CNTNAP5: variants seen among roughly 807,000 people sequenced by gnomAD.
The protein encoded by CNTNAP5 is contactin associated protein family member 5.
CNTNAP5 carries 72 observed loss-of-function variants against 150.2 expected under a neutral mutation model. The ratio of observed to expected loss-of-function variants is 0.48; its 90% confidence interval spans 0.40 to 0.58. CNTNAP5 has a LOEUF of 0.58. CNTNAP5 is among the 20% of genes least tolerant of loss of function. The pLI, the probability that CNTNAP5 is intolerant of heterozygous loss-of-function variation, is 0.00. For missense variants in CNTNAP5, 1,636 were observed against 1,626.2 expected, an observed-to-expected ratio of 1.01 and a Z score of -0.10; for synonymous variants, 672 against 619.8, an observed-to-expected ratio of 1.08 and a Z score of -1.25.
At chr2:124,410,035 G>C (rs1691704923) in intron 3 of CNTNAP5, among the ~76,000 whole-genome samples, 1 of 151,814 alleles carries the variant, frequency 6.6e-6, no homozygotes, top group Admixed American at 6.6e-5. Flanking sequence ...GATGGAGGAA[G>C]ATCTACCAAG....
intron 11 of CNTNAP5, among the ~76,000 whole-genome samples, chr2:124,602,372 A>G (rs1026848507): frequency 6.6e-6 from 1 of 150,602 alleles, no homozygotes; most frequent in Admixed American, 6.6e-5. Flanking sequence ...AATAAAGGCA[A>G]TATCATGTAA....
At chr2:124,913,948 G>A in intron 23 of CNTNAP5, 144 bp from the exon 24 acceptor site, 1 of 572,370 alleles carries the variant, frequency 1.7e-6, no homozygotes, top group Non-Finnish European at 3.1e-6. Flanking sequence ...CTTTATTTCT[G>A]GGCAGGTGGC....
At chr2:124,276,537 T>A (rs540818262) in intron 3 of CNTNAP5, among the ~76,000 whole-genome samples, 3 of 152,264 alleles carry the variant, frequency 2.0e-5, no homozygotes, top group Admixed American at 1.3e-4. Flanking sequence ...CATGTTTGGA[T>A]GATGAGCCCA....
intron 3 of CNTNAP5, among the ~76,000 whole-genome samples, chr2:124,399,205 T>C (rs1178193590): frequency 6.6e-6 from 1 of 152,046 alleles, no homozygotes; most frequent in Admixed American, 6.6e-5. Context: ...AAGTTGAAAG[T>C]CACCTAAGAA....
At chr2:124,743,269 C>T (rs1243874733) in intron 13 of CNTNAP5, among the ~76,000 whole-genome samples, 1 of 152,126 alleles carries the variant, frequency 6.6e-6, no homozygotes, top group Non-Finnish European at 1.5e-5. Flanking sequence ...AATATTGATC[C>T]ATTAAGAGAT....
chr2:124,242,204 T>C lies in CNTNAP5; in HGVS notation c.192T>C (p.Thr64=). ...SPAQLNWRVG[T]GGWSPADSNA... is the part of the protein sequence containing the mutation. ...CTCTCTCTGATCCTGTTCCAGGAACTGGCGGTTGGTCCCCAGCAGATTCCA... is the reference window on the plus strand; with the variant it reads ...CTCTCTCTGATCCTGTTCCAGGAACCGGCGGTTGGTCCCCAGCAGATTCCA... The change falls in exon 3 of 24, where the codon ACT becomes ACC. Residue 64 remains threonine (T), a synonymous_variant. Transcript: ENST00000682447. 4 of 1,584,860 alleles carry C rather than the reference T, an allele frequency of 2.5e-6. No individual in the cohort carries two copies. Among genetic ancestry groups the C allele is most frequent in the Non-Finnish European group, 3.4e-6 (4 of 1,164,702 alleles).
intron 1 of CNTNAP5, among the ~76,000 whole-genome samples, chr2:124,127,458 C>G (rs1455488129): frequency 6.6e-6 from 1 of 152,086 alleles, no homozygotes; most frequent in Non-Finnish European, 1.5e-5. Context: ...TAGGAAGAAT[C>G]AATATCATGA....
chr2:124,775,812 T>C lies in CNTNAP5; in HGVS notation c.2752+2795T>C, dbSNP rs373088268. Among the ~76,000 whole-genome samples, 9 of 152,302 alleles carry C rather than the reference T, an allele frequency of 5.9e-5. No individual in the cohort carries two copies. The South Asian group carries it at 6.2e-4, about 11-fold the overall frequency. ...GCTTCTGAAATGTAAGCTGCAAGCG[T>C]GTGGCATTCTCACCTTTGGAATGCT... is the stretch of plus-strand genomic sequence containing the variant. On this transcript the variant is annotated intron_variant, in intron 17 of 23. Coordinates refer to ENST00000682447, the MANE Select transcript of CNTNAP5 (RefSeq NM_001367498.1).
intron 3 of CNTNAP5, among the ~76,000 whole-genome samples, chr2:124,312,695 C>T (rs183915599): frequency 5.9e-5 from 9 of 152,268 alleles, no homozygotes; most frequent in African/African-American, 1.9e-4. Context: ...CTCAGCCTCC[C>T]GAGTAGCTGG....
Position 124,620,745 on chromosome 2 carries a change from G to GCACA in CNTNAP5, c.1876+10852_1876+10855dup, listed in dbSNP as rs3039903. On this transcript the variant is annotated intron_variant, in intron 12 of 23. Coordinates refer to ENST00000682447, the MANE Select transcript of CNTNAP5 (RefSeq NM_001367498.1). ...ATATATGCTACACACACACACACAT[G>GCACA]CACACACACACACACACACACACAC... Among the ~76,000 whole-genome samples, 233 of 103,704 alleles carry GCACA rather than the reference G, an allele frequency of 2.2e-3. 2 individuals carry two copies. Among genetic ancestry groups the GCACA allele is most frequent in the South Asian group, 6.1e-3 (17 of 2,786 alleles). 68.0% of individuals were successfully genotyped at this position (103,704 alleles called of 152,430 possible).
intron 19 of CNTNAP5, among the ~76,000 whole-genome samples, chr2:124,801,808 T>A (rs1227003396): frequency 1.3e-5 from 2 of 152,158 alleles, no homozygotes; most frequent in Non-Finnish European, 2.9e-5. Flanking sequence ...AATATTTTAA[T>A]GTGACTTTGA....
intron 21 of CNTNAP5, among the ~76,000 whole-genome samples, chr2:124,892,689 G>A (rs1678218337): frequency 6.6e-6 from 1 of 152,096 alleles, no homozygotes; most frequent in South Asian, 2.1e-4. Context: ...GAGCTAAGCA[G>A]GCAACCTTTA....
intron 13 of CNTNAP5, among the ~76,000 whole-genome samples, chr2:124,705,335 C>T (rs1456723586): frequency 6.6e-6 from 1 of 152,088 alleles, no homozygotes; most frequent in East Asian, 1.9e-4. Context: ...CGAGACCAGC[C>T]TGGCCAACCT....
chr2:124,460,489 A>G (rs897740160), intron 6 of CNTNAP5, among the ~76,000 whole-genome samples: 2 of 152,112 alleles, frequency 1.3e-5, no homozygotes, highest in Non-Finnish European at 2.9e-5. Context: ...TATTTTTTAA[A>G]TTGTCTATCT....
intron 3 of CNTNAP5, among the ~76,000 whole-genome samples, chr2:124,267,795 A>G (rs1290872850): frequency 6.6e-6 from 1 of 152,146 alleles, no homozygotes; most frequent in Non-Finnish European, 1.5e-5. Flanking sequence ...TTTGGGGAAA[A>G]TGCTCCTGGC....
chr2:124,713,641 G>C (rs1472990998), intron 13 of CNTNAP5, among the ~76,000 whole-genome samples: 3 of 151,964 alleles, frequency 2.0e-5, no homozygotes, highest in Non-Finnish European at 4.4e-5. Context: ...TTCCTAAAGT[G>C]CTGGGATTAC....
chr2:124,544,780 C>T (rs1014823583), intron 10 of CNTNAP5, among the ~76,000 whole-genome samples: 8 of 152,130 alleles, frequency 5.3e-5, no homozygotes, highest in African/African-American at 1.4e-4. Flanking sequence ...AGTTCAGCAG[C>T]GGACTGCACC....
chr2:124,528,825 GAAGA>G (rs764930952), intron 10 of CNTNAP5, among the ~76,000 whole-genome samples: 22 of 152,136 alleles, frequency 1.4e-4, no homozygotes, highest in Admixed American at 5.2e-4. Flanking sequence ...AGGTGGATTG[GAAGA>G]GAGCTGGCCC....
intron 19 of CNTNAP5, among the ~76,000 whole-genome samples, chr2:124,811,316 GGAAGGCGA>G (rs1682213517): frequency 6.6e-6 from 1 of 152,100 alleles, no homozygotes; most frequent in African/African-American, 2.4e-5. Context: ...CATGTGAGGA[GGAAGGCGA>G]GAGGGTGGGG....
Sources: allele counts gnomAD v4.1 joint callset (sites outside exome capture counted in the v4.1 genomes callset), GRCh38; gene constraint gnomAD v4.1.1; transcripts MANE v1.5; gene names NCBI Gene and HGNC (gene_info 2026-07-23, HGNC 2026-07-21).